Variants in GRID1 observed in about 807,000 individuals in gnomAD.
GRID1 encodes glutamate ionotropic receptor delta type subunit 1, also known as glutamate receptor ionotropic, delta-1.
GRID1 carries 28 observed loss-of-function variants against 98.0 expected under a neutral mutation model. The ratio of observed to expected loss-of-function variants is 0.29; its 90% CI spans 0.21 to 0.39. The LOEUF is 0.39. Ranked by LOEUF, GRID1 falls within the 10% of genes least tolerant of loss-of-function variation. The probability of loss-of-function intolerance (pLI) is 1.00; values close to 1 mark genes in which losing one functional copy is unlikely to be tolerated. For synonymous variants in GRID1, 553 were observed against 538.5 expected (o/e 1.03, Z -0.37); for missense variants, 1,111 against 1,340.5 (o/e 0.83, Z 2.67).
At chr10:85,693,441 G>A (rs912975377) in intron 12 of GRID1, among the ~76,000 whole-genome samples, 4 of 152,042 alleles carry the variant, frequency 2.6e-5, no homozygotes, top group Admixed American at 1.3e-4. Context: ...CAAAAAGTGA[G>A]TCTTAAGTAA....
chr10:85,640,054 G>A (rs1434262116), intron 13 of GRID1, among the ~76,000 whole-genome samples: 1 of 152,066 alleles, frequency 6.6e-6, no homozygotes, highest in Non-Finnish European at 1.5e-5. Flanking sequence ...GGTACAGAAA[G>A]GTGAACACTT....
chr10:86,119,459 G>A lies in GRID1; in HGVS notation c.726+19360C>T, dbSNP rs530768671. ...TATAATGATGTAAGAAGCTAAAAATGGGGAAAACTGGGTGTGGGGTATATG... is the reference window on the plus strand; with the variant it reads ...TATAATGATGTAAGAAGCTAAAAATAGGGAAAACTGGGTGTGGGGTATATG... On this transcript the variant is annotated intron_variant, in intron 4 of 15. Coordinates refer to ENST00000327946, the MANE Select transcript of GRID1 (RefSeq NM_017551.3). Among the ~76,000 whole-genome samples the A allele has an allele frequency of 1.2e-3, 178 of 152,100 alleles. 1 individual carries two copies. The highest frequency in any genetic ancestry group is 1.6e-3 in the Non-Finnish European group (112 of 68,024).
At chr10:85,925,755 C>G (rs1349571150) in intron 4 of GRID1, among the ~76,000 whole-genome samples, 4 of 152,198 alleles carry the variant, frequency 2.6e-5, no homozygotes, top group Non-Finnish European at 4.4e-5. Context: ...AGTCTCAGAG[C>G]TCCTGACCCA....
At chr10:85,976,150 A>G (rs1420694162) in intron 4 of GRID1, among the ~76,000 whole-genome samples, 1 of 152,178 alleles carries the variant, frequency 6.6e-6, no homozygotes. Flanking sequence ...CTTAATTAAT[A>G]AGAAGCATTT....
chr10:86,124,201 G>T (rs933743728), intron 4 of GRID1, among the ~76,000 whole-genome samples: 1 of 152,160 alleles, frequency 6.6e-6, no homozygotes, highest in Non-Finnish European at 1.5e-5. Context: ...AGATCATGCT[G>T]CTCACCTGCT....
chr10:85,895,253 A>C (rs1184375221), intron 5 of GRID1, among the ~76,000 whole-genome samples: 1 of 151,440 alleles, frequency 6.6e-6, no homozygotes, highest in Non-Finnish European at 1.5e-5. Flanking sequence ...ACATCCCATC[A>C]TCTCTAATAA....
intron 8 of GRID1, among the ~76,000 whole-genome samples, chr10:85,756,097 CA>C (rs1842095655): frequency 6.6e-6 from 1 of 152,092 alleles, no homozygotes; most frequent in Admixed American, 6.6e-5. Context: ...AGCCTGAAAC[CA>C]CAAATAGTAC....
At chr10:86,207,991 A>T (rs1381900376) in intron 2 of GRID1, among the ~76,000 whole-genome samples, 2 of 152,196 alleles carry the variant, frequency 1.3e-5, no homozygotes. Context: ...CACACAGCAG[A>T]CTTTGAACAA....
At chr10:85,954,388 T>G (rs1842163582) in intron 4 of GRID1, among the ~76,000 whole-genome samples, 1 of 152,228 alleles carries the variant, frequency 6.6e-6, no homozygotes, top group Admixed American at 6.5e-5. Flanking sequence ...GTCCTAACTA[T>G]TTAATGGACT....
At chr10:85,926,069 G>C (rs975602907) in intron 4 of GRID1, among the ~76,000 whole-genome samples, 14 of 152,152 alleles carry the variant, frequency 9.2e-5, no homozygotes, top group Non-Finnish European at 1.6e-4. Flanking sequence ...AAAAATATCT[G>C]CTTTTTAGTT....
chr10:85,992,615 T>G (rs1395451643), intron 4 of GRID1, among the ~76,000 whole-genome samples: 43 of 144,158 alleles, frequency 3.0e-4, no homozygotes, highest in South Asian at 6.8e-4. Flanking sequence ...TGAGGAGAGG[T>G]GGGGGGGGAA....
chr10:86,142,310 G>A (rs1361971756), intron 3 of GRID1, among the ~76,000 whole-genome samples: 1 of 152,234 alleles, frequency 6.6e-6, no homozygotes, highest in South Asian at 2.1e-4. Context: ...GATAGATCGA[G>A]GTCATTGGAT....
chr10:86,106,854 T>C (rs1257590010), intron 4 of GRID1, among the ~76,000 whole-genome samples: 2 of 151,346 alleles, frequency 1.3e-5, no homozygotes, highest in African/African-American at 4.9e-5. Flanking sequence ...TAAGATGGGA[T>C]AGAGAATGGA....
chr10:86,224,981 C>T (rs374452435), intron 2 of GRID1, among the ~76,000 whole-genome samples: 9 of 152,320 alleles, frequency 5.9e-5, no homozygotes, highest in African/African-American at 2.2e-4. Flanking sequence ...TTCAGGGTCC[C>T]CAAGGCACAG....
chr10:86,096,520 T>C (rs1844223716), intron 4 of GRID1, among the ~76,000 whole-genome samples: 1 of 152,184 alleles, frequency 6.6e-6, no homozygotes, highest in Non-Finnish European at 1.5e-5. Flanking sequence ...AGCCACTTAG[T>C]CCAGATACGG....
chr10:86,024,967 A>G (rs1843097918), intron 4 of GRID1, among the ~76,000 whole-genome samples: 1 of 152,214 alleles, frequency 6.6e-6, no homozygotes, highest in Non-Finnish European at 1.5e-5. Flanking sequence ...AATTCCAGGA[A>G]AGCTAGCCTG....
intron 2 of GRID1, among the ~76,000 whole-genome samples, chr10:86,328,421 C>A (rs1848084042): frequency 6.6e-6 from 1 of 152,176 alleles, no homozygotes; most frequent in Non-Finnish European, 1.5e-5. Flanking sequence ...AGGCTGAAGA[C>A]AAAATTGAGT....
chr10:85,625,302 C>A (rs1246906999), intron 13 of GRID1, among the ~76,000 whole-genome samples: 1 of 152,246 alleles, frequency 6.6e-6, no homozygotes, highest in East Asian at 1.9e-4. Context: ...CCTGGCCCAT[C>A]AACAGGACAC....
intron 4 of GRID1, among the ~76,000 whole-genome samples, chr10:85,925,974 A>T (rs1410787829): frequency 2.0e-5 from 3 of 152,248 alleles, no homozygotes; most frequent in African/African-American, 7.2e-5. Context: ...GAAAGTAGCA[A>T]TTCTTTACCA....
Sources: gnomAD v4.1 joint callset for allele counts (sites outside exome capture counted in the v4.1 genomes callset) on GRCh38, gnomAD v4.1.1 for gene constraint, MANE v1.5 for transcripts, NCBI Gene and HGNC (gene_info 2026-07-23, HGNC 2026-07-21) for gene names.